The following LARS2 variants were observed in gnomAD, a reference collection of about 807,000 sequenced individuals.
LARS2 encodes leucyl-tRNA synthetase 2, mitochondrial, also known as leucine--tRNA ligase, mitochondrial.
In LARS2, 81 loss-of-function variants were observed where a neutral mutation model predicts 116.6. The observed-to-expected ratio is 0.69, with a 90% CI of 0.58 to 0.84. The LOEUF (loss-of-function observed/expected upper bound fraction) is 0.84, where lower values mean the gene tolerates loss of function less well. Ranked by LOEUF, LARS2 falls within the 40% of genes least tolerant of loss-of-function variation. The pLI, the probability that LARS2 is intolerant of heterozygous loss-of-function variation, is 0.00. For synonymous variants in LARS2, 396 were observed against 407.2 expected, an observed-to-expected ratio of 0.97 and a Z score of 0.33; for missense variants, 968 against 1,114.5, an observed-to-expected ratio of 0.87 and a Z score of 1.87.
chr3:45,444,677 A>C (rs1221524792), intron 6 of LARS2, among the ~76,000 whole-genome samples: 1 of 150,266 alleles, frequency 6.7e-6, no homozygotes, highest in South Asian at 2.1e-4. Context: ...AAAAAAAAAA[A>C]AAAAAAAACA....
intron 11 of LARS2, among the ~76,000 whole-genome samples, chr3:45,487,322 G>A (rs750156610): frequency 1.3e-5 from 2 of 152,030 alleles, no homozygotes; most frequent in African/African-American, 2.4e-5. Flanking sequence ...TTTATTCAAC[G>A]CATTAGATGC....
chr3:45,488,937 CAT>C, intron 12 of LARS2, 125 bp downstream of exon 12: 1 of 708,272 alleles, frequency 1.4e-6, no homozygotes, highest in Admixed American at 2.1e-5. Context: ...CTTGTGGCCT[CAT>C]ATCTATCAGA....
intron 11 of LARS2, among the ~76,000 whole-genome samples, chr3:45,486,074 A>G (rs938822193): frequency 6.6e-6 from 1 of 152,182 alleles, no homozygotes; most frequent in Admixed American, 6.5e-5. Context: ...ACTTGTACAT[A>G]TGATACGAGG....
intron 5 of LARS2, 81 bp downstream of exon 5, chr3:45,417,654 A>C: frequency 1.2e-6 from 1 of 863,042 alleles, no homozygotes; most frequent in Non-Finnish European, 1.9e-6. Context: ...AAAAAATAGA[A>C]AGCAAAGCAA....
intron 20 of LARS2, among the ~76,000 whole-genome samples, chr3:45,531,192 G>T (rs150684823): frequency 1.3e-5 from 2 of 152,124 alleles, no homozygotes; most frequent in African/African-American, 4.8e-5. Context: ...TCAAATAAAG[G>T]TTAATACCAT....
chr3:45,449,299 A>T (rs534903949), intron 7 of LARS2, among the ~76,000 whole-genome samples: 1 of 151,534 alleles, frequency 6.6e-6, no homozygotes, highest in Non-Finnish European at 1.5e-5. Context: ...AGTAGCTGGG[A>T]TTACAGGCAT....
intron 6 of LARS2, among the ~76,000 whole-genome samples, chr3:45,430,355 T>C (rs1698681401): frequency 6.7e-6 from 1 of 150,030 alleles, no homozygotes; most frequent in Non-Finnish European, 1.5e-5. Context: ...CACGGCTCAC[T>C]GCAAGCTCAG....
In LARS2 at chr3:45,516,209, C is replaced by G. The variant is rs773230403; in HGVS notation, c.1977C>G (p.Ile659Met). The G allele has an allele frequency of 4.3e-6, 7 of 1,614,132 alleles. 1 individual carries two copies. The South Asian group carries it at 5.5e-5, about 13-fold the overall frequency. Reference protein sequence around the residue: ...DPEEVVEQYGIDTIRLYILFA... With the variant: ...DPEEVVEQYGMDTIRLYILFA... ...AGGAAGTTGTGGAGCAGTATGGGAT[C>G]GACACGATTCGGCTCTACATCCTTT... The change falls in exon 17 of 22, where the codon ATC becomes ATG. Residue 659 changes from isoleucine to methionine, a missense_variant. Coordinates refer to ENST00000645846, the MANE Select transcript of LARS2 (RefSeq NM_015340.4).
At chr3:45,456,219 A>G (rs1699211039) in intron 7 of LARS2, among the ~76,000 whole-genome samples, 1 of 152,162 alleles carries the variant, frequency 6.6e-6, no homozygotes, top group Non-Finnish European at 1.5e-5. Flanking sequence ...TACATTGTGT[A>G]CATATATCAA....
At chr3:45,546,081 G>T (rs1176419789) in intron 21 of LARS2, among the ~76,000 whole-genome samples, 1 of 152,172 alleles carries the variant, frequency 6.6e-6, no homozygotes, top group African/African-American at 2.4e-5. Flanking sequence ...CCCCTCTGTA[G>T]GTGGTGGCCC....
At chr3:45,506,709 C>G (rs1700205565) in intron 15 of LARS2, among the ~76,000 whole-genome samples, 1 of 152,090 alleles carries the variant, frequency 6.6e-6, no homozygotes, top group Non-Finnish European at 1.5e-5. Flanking sequence ...AGAAGCTGAA[C>G]TCCTTTGGGT....
At position 45,474,321 on chromosome 3, in the gene LARS2, G is replaced by A. The variant is rs770272400; in HGVS notation, c.829G>A (p.Val277Met). Reference protein sequence around the residue: ...GMQAHWIGDCVGCHLDFTLKV... With the variant: ...GMQAHWIGDCMGCHLDFTLKV... Reference sequence around the variant, plus strand: ...GCAAGCCCACTGGATTGGGGACTGTGTGGGCTGCCACCTGGACTTCACATT... The same window carrying A: ...GCAAGCCCACTGGATTGGGGACTGTATGGGCTGCCACCTGGACTTCACATT... Residue 277 changes from valine (V) to methionine (M), a missense_variant, in exon 9 of 22, where the codon GTG becomes ATG. By Grantham distance (21) the Val-to-Met change is conservative. Coordinates refer to ENST00000645846, the MANE Select transcript of LARS2 (RefSeq NM_015340.4). 5.6e-6 allele frequency: 9 copies of A among 1,610,342 alleles called. No homozygotes were observed. The highest frequency in any genetic ancestry group is 3.3e-4 in the Middle Eastern group (2 of 6,076).
chr3:45,487,772 G>A (rs1446640925), intron 11 of LARS2, among the ~76,000 whole-genome samples: 2 of 51,318 alleles, frequency 3.9e-5, no homozygotes, highest in African/African-American at 5.9e-5. Flanking sequence ...AGAGCTGGGG[G>A]GAAAAGAAAA....
chr3:45,491,827 G>A (rs747133695), intron 13 of LARS2, 27 bp downstream of exon 13: 2 of 1,603,302 alleles, frequency 1.2e-6, no homozygotes, highest in South Asian at 2.2e-5. Flanking sequence ...CTGCAGTGGT[G>A]ACTGTGCCTA....
intron 15 of LARS2, among the ~76,000 whole-genome samples, chr3:45,504,720 G>T (rs1254614786): frequency 6.6e-6 from 1 of 151,612 alleles, no homozygotes; most frequent in Non-Finnish European, 1.5e-5. Flanking sequence ...TTACTGTCAT[G>T]GTCTCACAGA....
chr3:45,526,803 A>G (rs1190780332), intron 20 of LARS2, among the ~76,000 whole-genome samples: 2 of 152,216 alleles, frequency 1.3e-5, no homozygotes, highest in African/African-American at 4.8e-5. Flanking sequence ...ATAGGGCATT[A>G]GGCCAGCAGA....
At chr3:45,547,330 C>T (rs201088794) in intron 21 of LARS2, 21 bp from the exon 22 acceptor site, 1 of 1,587,472 alleles carries the variant, frequency 6.3e-7, no homozygotes, top group Non-Finnish European at 8.6e-7. Flanking sequence ...CATTGTTTAT[C>T]TTGGCTTTTC....
intron 10 of LARS2, among the ~76,000 whole-genome samples, chr3:45,483,455 C>G (rs567343300): frequency 6.6e-6 from 1 of 152,296 alleles, no homozygotes; most frequent in East Asian, 1.9e-4. Flanking sequence ...TCGAGACCAG[C>G]CTGGCCAACA....
intron 6 of LARS2, among the ~76,000 whole-genome samples, chr3:45,422,802 C>T (rs1698536181): frequency 6.6e-6 from 1 of 152,148 alleles, no homozygotes; most frequent in African/African-American, 2.4e-5. Context: ...AACTTTTAGC[C>T]TTTATTTGTT....
Sources: gnomAD v4.1 joint callset for allele counts (sites outside exome capture counted in the v4.1 genomes callset) on GRCh38, gnomAD v4.1.1 for gene constraint, MANE v1.5 for transcripts, NCBI Gene and HGNC (gene_info 2026-07-23, HGNC 2026-07-21) for gene names.